KCNK2: variants seen among roughly 807,000 people sequenced by gnomAD.
The protein encoded by KCNK2 is potassium two pore domain channel subfamily K member 2.
In KCNK2, 21 loss-of-function variants were observed where a neutral mutation model predicts 40.5. The ratio of observed to expected loss-of-function variants is 0.52; its 90% CI spans 0.37 to 0.75. The LOEUF (loss-of-function observed/expected upper bound fraction) is 0.75. KCNK2 is among the 30% of genes least tolerant of loss of function. The pLI is 0.00. For missense variants in KCNK2, 399 were observed against 531.6 expected (o/e 0.75, Z 2.45); for synonymous variants, 191 against 202.2 (o/e 0.94, Z 0.47).
chr1:215,017,853 A>G (rs1280848238), intron 1 of KCNK2, among the ~76,000 whole-genome samples: 1 of 151,692 alleles, frequency 6.6e-6, no homozygotes, highest in African/African-American at 2.4e-5. Flanking sequence ...TTACTTGTCA[A>G]TTAAAGTAAA....
chr1:215,099,514 T>C (rs1660122058), intron 2 of KCNK2, among the ~76,000 whole-genome samples: 1 of 152,022 alleles, frequency 6.6e-6, no homozygotes, highest in Non-Finnish European at 1.5e-5. Context: ...AAAAAGTTTG[T>C]ATTCTTTTTA....
chr1:215,024,746 G>A (rs1656933382), intron 1 of KCNK2, among the ~76,000 whole-genome samples: 1 of 151,888 alleles, frequency 6.6e-6, no homozygotes, highest in Non-Finnish European at 1.5e-5. Context: ...TATACACTGT[G>A]TAGGAGACTA....
At chr1:215,210,702 A>T (rs2102688402) in intron 6 of KCNK2, among the ~76,000 whole-genome samples, 1 of 152,276 alleles carries the variant, frequency 6.6e-6, no homozygotes, top group Admixed American at 6.5e-5. Flanking sequence ...ACAAGGGAGT[A>T]TATAAGCATG....
At chr1:215,198,946 C>A (rs1664973910) in intron 6 of KCNK2, among the ~76,000 whole-genome samples, 3 of 152,138 alleles carry the variant, frequency 2.0e-5, no homozygotes, top group Admixed American at 6.6e-5. Flanking sequence ...TCTGCTTAAA[C>A]CATACAGGTT....
chr1:215,057,074 A>C (rs1349890357), intron 1 of KCNK2, among the ~76,000 whole-genome samples: 1 of 152,090 alleles, frequency 6.6e-6, no homozygotes, highest in Admixed American at 6.6e-5. Context: ...TTTTAAATGT[A>C]TACACTGCTA....
At chr1:215,048,476 C>T (rs1240850440) in intron 1 of KCNK2, among the ~76,000 whole-genome samples, 1 of 152,136 alleles carries the variant, frequency 6.6e-6, no homozygotes, top group Non-Finnish European at 1.5e-5. Flanking sequence ...ATATGTCTAA[C>T]ACCAGCTGAT....
intron 6 of KCNK2, among the ~76,000 whole-genome samples, chr1:215,209,798 A>C (rs867643465): frequency 1.4e-4 from 9 of 63,420 alleles, no homozygotes; most frequent in African/African-American, 6.9e-4. Flanking sequence ...TTATATATAA[A>C]ATATATAATA....
chr1:215,192,719 C>G (rs1452983174), intron 5 of KCNK2, among the ~76,000 whole-genome samples: 1 of 152,124 alleles, frequency 6.6e-6, no homozygotes, highest in South Asian at 2.1e-4. Flanking sequence ...AGAGCCGTAT[C>G]CTCCATGGGC....
At chr1:215,054,617 G>C (rs2102502135) in intron 1 of KCNK2, among the ~76,000 whole-genome samples, 1 of 152,278 alleles carries the variant, frequency 6.6e-6, no homozygotes, top group African/African-American at 2.4e-5. Flanking sequence ...CTGTGCAGAG[G>C]GAAAAGTTTG....
At chr1:215,020,786 T>G (rs1282427657) in intron 1 of KCNK2, among the ~76,000 whole-genome samples, 1 of 152,154 alleles carries the variant, frequency 6.6e-6, no homozygotes, top group Non-Finnish European at 1.5e-5. Context: ...TGATACTCAT[T>G]TGGATGTGTA....
intron 5 of KCNK2, among the ~76,000 whole-genome samples, chr1:215,189,271 G>A (rs1359109537): frequency 1.3e-5 from 2 of 152,152 alleles, no homozygotes; most frequent in African/African-American, 2.4e-5. Context: ...GTAAAAACAT[G>A]TGGAGAAAAA....
At chr1:215,153,009 A>G (rs1016462823) in intron 3 of KCNK2, among the ~76,000 whole-genome samples, 3 of 152,198 alleles carry the variant, frequency 2.0e-5, no homozygotes, top group African/African-American at 7.2e-5. Context: ...ACTTCCTATT[A>G]GTCAAATAGA....
chr1:215,155,709 T>C (rs1662889791), intron 3 of KCNK2, among the ~76,000 whole-genome samples: 1 of 152,086 alleles, frequency 6.6e-6, no homozygotes, highest in Non-Finnish European at 1.5e-5. Context: ...TTAGTAAAGA[T>C]GGGGTTTCAC....
intron 1 of KCNK2, among the ~76,000 whole-genome samples, chr1:215,006,403 A>G (rs1172119388): frequency 1.3e-5 from 2 of 152,180 alleles, no homozygotes; most frequent in South Asian, 4.1e-4. Flanking sequence ...AGGGAATCTT[A>G]TGTGTATATT....
chr1:215,046,722 G>T (rs1657784997), intron 1 of KCNK2, among the ~76,000 whole-genome samples: 1 of 152,048 alleles, frequency 6.6e-6, no homozygotes, highest in Non-Finnish European at 1.5e-5. Context: ...ATGACTTAAA[G>T]ACTGAGGTAA....
chr1:215,036,984 T>C (rs1657406998), intron 1 of KCNK2, among the ~76,000 whole-genome samples: 1 of 146,076 alleles, frequency 6.8e-6, no homozygotes, highest in South Asian at 2.2e-4. Flanking sequence ...TCCTTTTCAT[T>C]CTTAATGCCT....
intron 6 of KCNK2, among the ~76,000 whole-genome samples, chr1:215,206,144 AC>A (rs1416837637): frequency 2.0e-5 from 3 of 152,110 alleles, no homozygotes; most frequent in Admixed American, 1.3e-4. Flanking sequence ...CCTTACTGTT[AC>A]CTCTGTTTCT....
chr1:215,148,857 G>A (rs1662557674), intron 3 of KCNK2, among the ~76,000 whole-genome samples: 1 of 152,146 alleles, frequency 6.6e-6, no homozygotes, highest in Admixed American at 6.6e-5. Flanking sequence ...ATTTCAACAC[G>A]ATAATTGAAG....
At chr1:215,198,333 G>A (rs1474876959) in intron 6 of KCNK2, among the ~76,000 whole-genome samples, 1 of 152,098 alleles carries the variant, frequency 6.6e-6, no homozygotes, top group Admixed American at 6.5e-5. Context: ...GCTTTCAATT[G>A]GAGTAGATAT....
Sources: allele counts gnomAD v4.1 joint callset (sites outside exome capture counted in the v4.1 genomes callset), GRCh38; gene constraint gnomAD v4.1.1; transcripts MANE v1.5; gene names NCBI Gene and HGNC (gene_info 2026-07-23, HGNC 2026-07-21).